Variants in PRORP observed in about 807,000 individuals in gnomAD.
PRORP encodes protein only RNase P catalytic subunit.
PRORP carries 51 observed loss-of-function variants against 59.4 expected under a neutral mutation model. The ratio of observed to expected loss-of-function variants is 0.86; its 90% CI spans 0.69 to 1.08. The LOEUF is 1.08. Among genes scored for constraint, PRORP ranks in the 50% least tolerant of loss-of-function variants. The pLI is 0.00. For missense variants in PRORP, 646 were observed against 690.3 expected, an observed-to-expected ratio of 0.94 and a Z score of 0.72; for synonymous variants, 231 against 245.6, an observed-to-expected ratio of 0.94 and a Z score of 0.55.
intron 4 of PRORP, among the ~76,000 whole-genome samples, chr14:35,161,216 A>G (rs934109579): frequency 6.6e-6 from 1 of 152,228 alleles, no homozygotes; most frequent in Admixed American, 6.5e-5. Context: ...AAGCACATAC[A>G]GGGGCTTTTA....
intron 4 of PRORP, among the ~76,000 whole-genome samples, chr14:35,156,196 A>G (rs571960181): frequency 1.1e-4 from 17 of 152,216 alleles, no homozygotes; most frequent in Non-Finnish European, 2.4e-4. Context: ...CTGAGAGCCT[A>G]TGTCCCCAAC....
chr14:35,165,000 C>G (rs2048148512), intron 4 of PRORP, among the ~76,000 whole-genome samples: 1 of 152,144 alleles, frequency 6.6e-6, no homozygotes, highest in Non-Finnish European at 1.5e-5. Context: ...GGAAGGGCAG[C>G]AGTCTTGATT....
chr14:35,258,110 A>G (rs1464191418), intron 5 of PRORP, among the ~76,000 whole-genome samples: 2 of 151,934 alleles, frequency 1.3e-5, no homozygotes, highest in East Asian at 1.9e-4. Flanking sequence ...AAATTAGGGC[A>G]GAAGCCAAAC....
At chr14:35,220,163 C>T (rs1046955498) in intron 5 of PRORP, among the ~76,000 whole-genome samples, 1 of 152,130 alleles carries the variant, frequency 6.6e-6, no homozygotes. Flanking sequence ...TGAAGTTCAC[C>T]CTTCAACCCA....
intron 5 of PRORP, among the ~76,000 whole-genome samples, chr14:35,205,762 G>GT (rs893881104): frequency 6.6e-6 from 1 of 152,108 alleles, no homozygotes; most frequent in African/African-American, 2.4e-5. Flanking sequence ...CATACACACA[G>GT]TTTTTTGTTT....
At chr14:35,122,541 G>C, upstream of PRORP, 1 of 154,862 alleles carries the variant, frequency 6.5e-6, no homozygotes, top group Admixed American at 6.4e-5. Flanking sequence ...GCGGTGCATC[G>C]TGGGCACTGT....
At chr14:35,254,221 G>C (rs943078677) in intron 5 of PRORP, among the ~76,000 whole-genome samples, 2 of 151,990 alleles carry the variant, frequency 1.3e-5, no homozygotes, top group African/African-American at 2.4e-5. Context: ...AAAGAGCTCT[G>C]TTCTTTTCAT....
intron 5 of PRORP, among the ~76,000 whole-genome samples, chr14:35,203,844 G>A (rs1299069105): frequency 6.6e-6 from 1 of 152,146 alleles, no homozygotes; most frequent in Admixed American, 6.5e-5. Context: ...CAGCCTGGGC[G>A]ACAGCGAGAC....
intron 5 of PRORP, among the ~76,000 whole-genome samples, chr14:35,252,873 G>A (rs1030647496): frequency 6.6e-6 from 1 of 152,134 alleles, no homozygotes; most frequent in African/African-American, 2.4e-5. Context: ...TTCCATCTCA[G>A]TGGCAAGAGG....
chr14:35,222,230 A>C (rs924361960), intron 5 of PRORP: 3 of 152,202 alleles, frequency 2.0e-5, no homozygotes, highest in Non-Finnish European at 4.4e-5. Flanking sequence ...CATAAAGAAA[A>C]CAATGTTCAC....
intron 5 of PRORP, among the ~76,000 whole-genome samples, chr14:35,201,639 A>G (rs1286353045): frequency 1.3e-5 from 2 of 150,878 alleles, no homozygotes; most frequent in African/African-American, 4.9e-5. Context: ...AATTTTATTT[A>G]TTTATTTATT....
chr14:35,207,052 C>A (rs1359608762), intron 5 of PRORP, among the ~76,000 whole-genome samples: 3 of 151,904 alleles, frequency 2.0e-5, no homozygotes, highest in Admixed American at 6.6e-5. Flanking sequence ...CACATGGAGG[C>A]CTCTCTTTTT....
chr14:35,173,159 T>A (rs2048363394), intron 4 of PRORP, among the ~76,000 whole-genome samples: 2 of 152,192 alleles, frequency 1.3e-5, no homozygotes, highest in African/African-American at 4.8e-5. Context: ...TGAGCCACTG[T>A]GCCCAGCCCA....
intron 5 of PRORP, among the ~76,000 whole-genome samples, chr14:35,218,490 CAA>C (rs2049674377): frequency 6.8e-5 from 6 of 88,700 alleles, no homozygotes; most frequent in African/African-American, 1.7e-4. Flanking sequence ...AAAAAACCAA[CAA>C]CAAAACACAA....
At chr14:35,140,516 T>G (rs1346282576) in intron 4 of PRORP, among the ~76,000 whole-genome samples, 2 of 145,942 alleles carry the variant, frequency 1.4e-5, no homozygotes, top group Non-Finnish European at 3.0e-5. Context: ...TGTTCAGATT[T>G]TTTGCCTATT....
chr14:35,223,954 T>A (rs957506686), intron 5 of PRORP, among the ~76,000 whole-genome samples: 2 of 152,200 alleles, frequency 1.3e-5, no homozygotes, highest in Non-Finnish European at 2.9e-5. Flanking sequence ...TTTTAGATAA[T>A]CTTATGAGAT....
intron 7 of PRORP, 33 bp downstream of exon 7, chr14:35,270,629 AGAGTC>A: frequency 6.4e-7 from 1 of 1,561,678 alleles, no homozygotes; most frequent in Non-Finnish European, 8.8e-7. Flanking sequence ...TAATATTAAC[AGAGTC>A]AAGTATACAG....
At chr14:35,159,228 T>C in intron 4 of PRORP, 1 of 163,898 alleles carries the variant, frequency 6.1e-6, no homozygotes, top group Non-Finnish European at 1.3e-5. Flanking sequence ...TCAGGCCTCA[T>C]TGCTTGCCAC....
intron 5 of PRORP, among the ~76,000 whole-genome samples, chr14:35,203,935 C>T (rs2049225693): frequency 6.6e-6 from 1 of 152,124 alleles, no homozygotes; most frequent in African/African-American, 2.4e-5. Flanking sequence ...CAAAAATTCT[C>T]CTTTGAAGAT....
Sources: allele counts gnomAD v4.1 joint callset (sites outside exome capture counted in the v4.1 genomes callset), GRCh38; gene constraint gnomAD v4.1.1; transcripts MANE v1.5; gene names NCBI Gene and HGNC (gene_info 2026-07-23, HGNC 2026-07-21).